The following CSMD1 variants were observed in gnomAD, a reference collection of about 807,000 sequenced individuals.
CSMD1 encodes the protein CUB and Sushi multiple domains 1, also known as CUB and sushi domain-containing protein 1.
Under a neutral mutation model 417.5 loss-of-function variants are expected in CSMD1, and 213 were observed. The ratio of observed to expected loss-of-function variants is 0.51; its 90% CI spans 0.46 to 0.57. The LOEUF (loss-of-function observed/expected upper bound fraction) is 0.57. Among genes scored for constraint, CSMD1 ranks in the 20% least tolerant of loss-of-function variants. CSMD1 has a pLI of 0.00. For missense variants in CSMD1, 6,923 were observed against 4,529.7 expected, an observed-to-expected ratio of 1.53 and a Z score of -15.17; for synonymous variants, 2,862 against 1,736.8, an observed-to-expected ratio of 1.65 and a Z score of -16.11.
intron 37 of CSMD1, among the ~76,000 whole-genome samples, chr8:3,170,902 G>C (rs1278828093): frequency 3.9e-5 from 6 of 152,200 alleles, no homozygotes; most frequent in Admixed American, 3.9e-4. Flanking sequence ...ACACACTTGG[G>C]TGATGAACTA....
At chr8:4,912,469 T>A (rs371309018) in intron 1 of CSMD1, among the ~76,000 whole-genome samples, 11 of 151,954 alleles carry the variant, frequency 7.2e-5, no homozygotes, top group Non-Finnish European at 1.2e-4. Context: ...GAGGAGAGCA[T>A]TTCTAGAAAA....
intron 12 of CSMD1, among the ~76,000 whole-genome samples, chr8:3,450,159 G>A (rs952805373): frequency 1.3e-5 from 2 of 152,270 alleles, no homozygotes; most frequent in Non-Finnish European, 2.9e-5. Flanking sequence ...CGTTGACTGT[G>A]GGTCTCTTAC....
chr8:3,301,245 G>T (rs4626625), intron 25 of CSMD1, among the ~76,000 whole-genome samples: 2 of 151,966 alleles, frequency 1.3e-5, no homozygotes, highest in African/African-American at 2.4e-5. Flanking sequence ...GCAAGGCAGC[G>T]TTTGCAGGGT....
chr8:3,890,742 T>C (rs531787141), intron 5 of CSMD1, among the ~76,000 whole-genome samples: 189 of 152,322 alleles, frequency 1.2e-3, no homozygotes, highest in Non-Finnish European at 2.2e-3. Context: ...CAAGTTAGCA[T>C]GTGGCTCTGT....
chr8:4,206,797 A>C (rs2131272850), intron 3 of CSMD1, among the ~76,000 whole-genome samples: 1 of 152,334 alleles, frequency 6.6e-6, no homozygotes, highest in Non-Finnish European at 1.5e-5. Flanking sequence ...GATTATATAA[A>C]GATTGTTCTA....
At chr8:4,793,294 C>A (rs1797793776) in intron 1 of CSMD1, among the ~76,000 whole-genome samples, 1 of 152,116 alleles carries the variant, frequency 6.6e-6, no homozygotes, top group African/African-American at 2.4e-5. Context: ...AAAATAGAAC[C>A]TATTCTCTCA....
rs138846896 is a variant in CSMD1 at position 3,465,364 on chromosome 8, G to C, written c.1561+3348C>G. 1.1e-3 allele frequency among the ~76,000 whole-genome samples: 175 copies of C among 152,292 alleles called. 1 individual carries two copies. Among genetic ancestry groups the C allele is most frequent in the African/African-American group, 3.9e-3 (163 of 41,554 alleles). ...GATTGTCTTTGGGGAGTTAGAGACA[G>C]CACAAATGGAGAAATCTCACATATG... is the stretch of plus-strand genomic sequence containing the variant. On this transcript the variant is annotated intron_variant, in intron 12 of 69. Coordinates refer to ENST00000635120, the MANE Select transcript of CSMD1 (RefSeq NM_033225.6).
chr8:3,376,126 C>T (rs1297133531), intron 18 of CSMD1, among the ~76,000 whole-genome samples: 1 of 152,062 alleles, frequency 6.6e-6, no homozygotes, highest in African/African-American at 2.4e-5. Context: ...ATTGCAAATA[C>T]AGCAGGTTCT....
chr8:4,372,941 G>A (rs1327446815), intron 3 of CSMD1, among the ~76,000 whole-genome samples: 1 of 152,198 alleles, frequency 6.6e-6, no homozygotes, highest in East Asian at 1.9e-4. Flanking sequence ...ATAGTGATTT[G>A]CTTCCGAAGA....
intron 10 of CSMD1, among the ~76,000 whole-genome samples, chr8:3,509,571 A>G (rs1410651877): frequency 1.3e-5 from 2 of 152,176 alleles, no homozygotes; most frequent in East Asian, 1.9e-4. Context: ...CCAATTTTCT[A>G]TAACTGTTTC....
At chr8:4,917,012 A>C (rs1806107814) in intron 1 of CSMD1, among the ~76,000 whole-genome samples, 1 of 152,204 alleles carries the variant, frequency 6.6e-6, no homozygotes, top group South Asian at 2.1e-4. Flanking sequence ...TGCTATAAAT[A>C]ACCACCTGAG....
In CSMD1 at chr8:3,661,961, G is replaced by A. The variant is rs1291690610; in HGVS notation, c.1010-45164C>T. On this transcript the variant is annotated intron_variant, in intron 7 of 69. Transcript: ENST00000635120. ...TTGAGGGAAGAGAGAAAATGAGAAC[G>A]GGACACCCAGAGGCTGCGGGAGAGA... Among the ~76,000 whole-genome samples, 3 of 152,140 alleles carry A rather than the reference G, an allele frequency of 2.0e-5. No individual in the cohort carries two copies. The South Asian group carries it at 6.2e-4, about 32-fold the overall frequency.
intron 19 of CSMD1, 130 bp downstream of exon 19, chr8:3,369,124 T>TA: frequency 1.8e-6 from 1 of 543,608 alleles, no homozygotes; most frequent in Middle Eastern, 4.3e-4. Context: ...AATAATAAGT[T>TA]AAAATCTTGA....
At chr8:3,979,094 C>T (rs186832940) in intron 5 of CSMD1, among the ~76,000 whole-genome samples, 1 of 152,320 alleles carries the variant, frequency 6.6e-6, no homozygotes, top group Admixed American at 6.5e-5. Context: ...TGAACAGTAG[C>T]CAGTGCATTT....
intron 11 of CSMD1, among the ~76,000 whole-genome samples, chr8:3,493,197 G>C (rs1009354518): frequency 4.0e-5 from 6 of 151,092 alleles, no homozygotes; most frequent in Non-Finnish European, 8.8e-5. Context: ...AGGAGGGTGA[G>C]GCAGGTGAAT....
rs537504116 is a variant in CSMD1 at position 4,724,169 on chromosome 8, A to G, written c.86-86611T>C. Among the ~76,000 whole-genome samples, 7 of 152,280 alleles carry G rather than the reference A, an allele frequency of 4.6e-5. No homozygotes were observed. The South Asian group carries it at 1.4e-3, about 32-fold the overall frequency. On this transcript the variant is annotated intron_variant, in intron 1 of 69. Coordinates refer to ENST00000635120, the MANE Select transcript of CSMD1 (RefSeq NM_033225.6). Reference sequence around the variant, plus strand: ...ACAAAATAAAACATGGATGTTCCAGAATGCTTTTCATGAGTTTTATGATAA... The same window carrying G: ...ACAAAATAAAACATGGATGTTCCAGGATGCTTTTCATGAGTTTTATGATAA...
At chr8:4,118,634 A>G (rs1356742641) in intron 3 of CSMD1, among the ~76,000 whole-genome samples, 1 of 152,202 alleles carries the variant, frequency 6.6e-6, no homozygotes. Flanking sequence ...CACATTTTAC[A>G]CTGTTGATGG....
intron 2 of CSMD1, among the ~76,000 whole-genome samples, chr8:4,527,281 T>C (rs1345198970): frequency 1.3e-5 from 2 of 152,198 alleles, no homozygotes; most frequent in African/African-American, 4.8e-5. Flanking sequence ...ATTTATATGA[T>C]CAGGAATGAG....
chr8:3,446,355 T>G (rs909413718), intron 12 of CSMD1, among the ~76,000 whole-genome samples: 1 of 152,252 alleles, frequency 6.6e-6, no homozygotes, highest in East Asian at 1.9e-4. Flanking sequence ...ATAGACTGTT[T>G]GCAAAATACA....
Sources: allele counts gnomAD v4.1 joint callset (sites outside exome capture counted in the v4.1 genomes callset), GRCh38; gene constraint gnomAD v4.1.1; transcripts MANE v1.5; gene names NCBI Gene and HGNC (gene_info 2026-07-23, HGNC 2026-07-21).